The following RABL2B variants were observed in gnomAD, a reference collection of about 807,000 sequenced individuals.
RABL2B encodes RAB, member of RAS oncogene family like 2B.
In RABL2B, 17 loss-of-function variants were observed where a neutral mutation model predicts 26.7. The observed-to-expected ratio is 0.64, with a 90% CI of 0.44 to 0.95. The LOEUF (loss-of-function observed/expected upper bound fraction) is 0.95. RABL2B is among the 40% of genes least tolerant of loss of function. RABL2B has a pLI of 0.00. For missense variants in RABL2B, 170 were observed against 277.2 expected (o/e 0.61, Z 2.75); for synonymous variants, 70 against 103.9 (o/e 0.67, Z 1.99).
At chr22:50,777,305 G>A (rs1399542391) in intron 3 of RABL2B, among the ~76,000 whole-genome samples, 1 of 151,930 alleles carries the variant, frequency 6.6e-6, no homozygotes, top group Non-Finnish European at 1.5e-5. Flanking sequence ...GACGCAGGTG[G>A]GCTGGGTGTG....
At chr22:50,780,254 C>T (rs1276865243) in intron 2 of RABL2B, among the ~76,000 whole-genome samples, 27 of 150,916 alleles carry the variant, frequency 1.8e-4, no homozygotes, top group African/African-American at 6.3e-4. Context: ...AAAAAGGCAC[C>T]TTAAAGAAAG....
Position 50,768,682 on chromosome 22 carries a change from G to C in RABL2B, c.*94C>G. 1.3e-6 allele frequency: 2 copies of C among 1,495,436 alleles called. No homozygotes were observed. Among genetic ancestry groups the C allele is most frequent in the Non-Finnish European group, 1.8e-6 (2 of 1,121,032 alleles). 92.6% of individuals were successfully genotyped at this position (1,495,436 alleles called of 1,614,324 possible). The stretch of plus-strand genomic sequence containing the variant: ...GGGTGGGTTGCAGGAGGTAGAAGAG[G>C]GGATGGCCTAGAGAGTTTCTCCATT... On this transcript the variant is annotated 3_prime_UTR_variant, in exon 9 of 9. Transcript: ENST00000691320.
rs868951867 is a variant in RABL2B, at chr22:50,768,642, G to A, written c.*134C>T. On this transcript the variant is annotated 3_prime_UTR_variant, in exon 9 of 9. Coordinates refer to ENST00000691320, the MANE Select transcript of RABL2B (RefSeq NM_001130919.3). ...CCCTGTATCACGGGCCTAGAATGTG[G>A]GAGGCTAATAGGATGGGTGGGTTGC... 6.7e-7 allele frequency: 1 copy of A among 1,485,208 alleles called. No individual in the cohort carries two copies. 92.0% of individuals were successfully genotyped at this position (1,485,208 alleles called of 1,614,324 possible).
intron 5 of RABL2B, chr22:50,772,942 G>A (rs1305819068): frequency 1.7e-5 from 21 of 1,240,800 alleles, no homozygotes; most frequent in Admixed American, 2.9e-5. Context: ...TCAGCTCCCC[G>A]TGTGGTCAGA....
intron 5 of RABL2B, chr22:50,772,724 T>C (rs1470272074): frequency 8.6e-6 from 9 of 1,051,888 alleles, no homozygotes; most frequent in Non-Finnish European, 1.0e-5. Flanking sequence ...TTGTCTTGAA[T>C]TCCCGATGAA....
chr22:50,778,419 TAA>T (rs1555926066), intron 2 of RABL2B, among the ~76,000 whole-genome samples: 2 of 151,812 alleles, frequency 1.3e-5, no homozygotes, highest in Non-Finnish European at 2.9e-5. Context: ...TTGTCTCCAC[TAA>T]AGATACAAAA....
At chr22:50,774,186 C>T (rs142823097) in intron 5 of RABL2B, among the ~76,000 whole-genome samples, 1,704 of 152,304 alleles carry the variant, frequency 0.011, 6 homozygotes, top group Non-Finnish European at 0.018. Flanking sequence ...TGAGCCACCG[C>T]GCCCGGCCCG....
chr22:50,768,646 G>C lies in RABL2B; in HGVS notation c.*130C>G. The C allele has an allele frequency of 6.7e-7, 1 of 1,486,488 alleles. No individual in the cohort carries two copies. Among genetic ancestry groups the C allele is most frequent in the Non-Finnish European group, 9.0e-7 (1 of 1,113,932 alleles). 92.1% of individuals were successfully genotyped at this position (1,486,488 alleles called of 1,614,324 possible). A position where few individuals can be genotyped will look rare whatever the true frequency, so the allele number is the denominator to read the frequency against. On this transcript the variant is annotated 3_prime_UTR_variant, in exon 9 of 9. Transcript: ENST00000691320. ...GTATCACGGGCCTAGAATGTGGGAGGCTAATAGGATGGGTGGGTTGCAGGA... is the reference window on the plus strand; with the variant it reads ...GTATCACGGGCCTAGAATGTGGGAGCCTAATAGGATGGGTGGGTTGCAGGA...
chr22:50,780,238 A>G (rs2085598888), intron 2 of RABL2B, among the ~76,000 whole-genome samples: 1 of 151,410 alleles, frequency 6.6e-6, no homozygotes, highest in African/African-American at 2.4e-5. Flanking sequence ...TGCATGAGAA[A>G]AAAAAAAAAA....
At position 50,768,663 on chromosome 22, in the gene RABL2B, G is replaced by C; in HGVS notation, c.*113C>G. ...TGTGGGAGGCTAATAGGATGGGTGG[G>C]TTGCAGGAGGTAGAAGAGGGGATGG... is the stretch of plus-strand genomic sequence containing the variant. On this transcript the variant is annotated 3_prime_UTR_variant, in exon 9 of 9. Transcript: ENST00000691320. 1 of 1,491,346 alleles carries C rather than the reference G, an allele frequency of 6.7e-7. No homozygotes were observed. Among genetic ancestry groups the C allele is most frequent in the Non-Finnish European group, 9.0e-7 (1 of 1,116,714 alleles). 92.4% of individuals were successfully genotyped at this position (1,491,346 alleles called of 1,614,324 possible).
chr22:50,780,102 G>A (rs1332002393), intron 2 of RABL2B, among the ~76,000 whole-genome samples: 1 of 152,186 alleles, frequency 6.6e-6, no homozygotes, highest in Non-Finnish European at 1.5e-5. Context: ...ATGTGCAGGA[G>A]CAAAGGAAAA....
chr22:50,775,905 A>T (rs2084912886), intron 4 of RABL2B, 54 bp from the exon 5 acceptor site: 1 of 1,613,088 alleles, frequency 6.2e-7, no homozygotes, highest in African/African-American at 1.3e-5. Context: ...TGTGCAAGTC[A>T]CTAAGATACA....
intron 4 of RABL2B, among the ~76,000 whole-genome samples, chr22:50,776,116 G>A (rs1172827567): frequency 2.0e-5 from 3 of 152,152 alleles, no homozygotes; most frequent in Admixed American, 6.5e-5. Context: ...GGAAGCCCAA[G>A]GAGGGAGAAG....
chr22:50,776,310 AT>A (rs1365511098), intron 4 of RABL2B, among the ~76,000 whole-genome samples: 6 of 152,104 alleles, frequency 3.9e-5, no homozygotes, highest in Non-Finnish European at 8.8e-5. Flanking sequence ...GACCACATTT[AT>A]TTTTTCAAAC....
At position 50,768,775 on chromosome 22, in the gene RABL2B, C is replaced by G; in HGVS notation, c.*1G>C. The G allele has an allele frequency of 6.2e-7, 1 of 1,613,900 alleles. No individual in the cohort carries two copies. The highest frequency in any genetic ancestry group is 8.5e-7 in the Non-Finnish European group (1 of 1,179,860). Reference sequence around the variant, plus strand: ...CTCCACCCACCCCTAGCCCCAGCCCCTCAGCTGTGGGGAGAGGCCGCCTCC... The same window carrying G: ...CTCCACCCACCCCTAGCCCCAGCCCGTCAGCTGTGGGGAGAGGCCGCCTCC... On this transcript the variant is annotated 3_prime_UTR_variant, in exon 9 of 9. Coordinates refer to ENST00000691320, the MANE Select transcript of RABL2B (RefSeq NM_001130919.3).
In RABL2B at chr22:50,782,243, C is replaced by T. The variant is rs374215013; in HGVS notation, c.52G>A (p.Ala18Thr). The change falls in exon 2 of 9, where the codon GCT becomes ACT. Residue 18 changes from alanine to threonine, a missense_variant. Ala to Thr is a moderately conservative substitution (Grantham distance 58). Around this residue, in one of 2 missense-constraint regions of RABL2B, gnomAD observed 5 missense variants for 45.2 expected, o/e 0.11. Coordinates refer to ENST00000691320, the MANE Select transcript of RABL2B (RefSeq NM_001130919.3). ...CAGATGATCTTCACGTTGTCATCAG[C>T]ATCATACTTCCCTTGGTCCAACTCA... ...PSELDQGKYD[A>T]DDNVKIICLG... The T allele has an allele frequency of 6.2e-4, 969 of 1,567,384 alleles. No homozygotes were observed. Among genetic ancestry groups the T allele is most frequent in the Non-Finnish European group, 8.2e-4 (937 of 1,147,606 alleles).
chr22:50,782,428 T>C (rs1175108998), intron 1 of RABL2B, 81 bp from the exon 2 acceptor site: 39 of 1,529,126 alleles, frequency 2.6e-5, no homozygotes, highest in Non-Finnish European at 3.3e-5. Context: ...CCCTCCAGAC[T>C]GCTTCCCTCA....
intron 2 of RABL2B, among the ~76,000 whole-genome samples, chr22:50,781,203 G>A (rs2085781247): frequency 6.6e-6 from 1 of 152,042 alleles, no homozygotes; most frequent in Admixed American, 6.6e-5. Context: ...AATTAGCTGG[G>A]TGTGGTGGCA....
At chr22:50,772,814 G>A in intron 5 of RABL2B, 1 of 1,155,516 alleles carries the variant, frequency 8.7e-7, no homozygotes, top group Non-Finnish European at 1.1e-6. Flanking sequence ...GTCCAGGTCT[G>A]GTTTCCTGAG....
Sources: allele counts gnomAD v4.1 joint callset (sites outside exome capture counted in the v4.1 genomes callset), GRCh38; gene constraint gnomAD v4.1.1; regional missense constraint gnomAD v4.1.1; transcripts MANE v1.5; gene names NCBI Gene and HGNC (gene_info 2026-07-23, HGNC 2026-07-21).